The following DENND3 variants were observed in gnomAD, a reference collection of about 807,000 sequenced individuals.
DENND3 encodes DENN domain containing 3, also known as DENN domain-containing protein 3.
In DENND3, 88 loss-of-function variants were observed where a neutral mutation model predicts 135.1. The ratio of observed to expected loss-of-function variants is 0.65; its 90% CI spans 0.55 to 0.78. DENND3 has a LOEUF of 0.78. Ranked by LOEUF, DENND3 falls within the 30% of genes least tolerant of loss-of-function variation. The probability of loss-of-function intolerance (pLI) is 0.00; values close to 1 mark genes in which losing one functional copy is unlikely to be tolerated. For synonymous variants in DENND3, 693 were observed against 712.3 expected, an observed-to-expected ratio of 0.97 and a Z score of 0.43; for missense variants, 1,392 against 1,688.4, an observed-to-expected ratio of 0.82 and a Z score of 3.08.
chr8:141,182,332 C>T lies in DENND3; in HGVS notation c.2944+1478C>T. ...TCTCTTCATGGCAGGCCAAGAAACC[C>T]AGGAACGCGATAGACCCTGGCTGAG... On this transcript the variant is annotated intron_variant, in intron 17 of 22. Transcript: ENST00000519811. This position sits in a 1 kb window ranked among gnomAD's most constrained non-coding sequence, Gnocchi z 5.9. 1 of 985,398 alleles carries T rather than the reference C, an allele frequency of 1.0e-6. No homozygotes were observed. The highest frequency in any genetic ancestry group is 1.2e-6 in the Non-Finnish European group (1 of 829,934). 61.0% of individuals were successfully genotyped at this position (985,398 alleles called of 1,614,324 possible).
intron 16 of DENND3, among the ~76,000 whole-genome samples, chr8:141,179,507 C>T (rs1822820664): frequency 1.3e-5 from 2 of 152,226 alleles, no homozygotes; most frequent in African/African-American, 4.8e-5. Flanking sequence ...AATCCGGAAA[C>T]ATTTTCCCAT....
rs752137209 is a variant in DENND3, at chr8:141,163,556, G to T, written c.1449+127G>T. 52 of 569,228 alleles carry T rather than the reference G, an allele frequency of 9.1e-5. 1 individual carries two copies. The highest frequency in any genetic ancestry group is 1.4e-4 in the Non-Finnish European group (46 of 327,696). The allele number at this position is 569,228 out of a possible 1,614,324, so 35.3% of individuals were successfully genotyped here. ...TTTCCAAAAAGTTTGTTTTAGCATG[G>T]TTCCTTTTGACCATGTGGCTCTCCC... On this transcript the variant is annotated intron_variant, in intron 10 of 22. Transcript: ENST00000519811.
At chr8:141,155,814 T>C (rs1281652551) in intron 7 of DENND3, 35 bp from the exon 8 acceptor site, 1 of 1,547,572 alleles carries the variant, frequency 6.5e-7, no homozygotes, top group Non-Finnish European at 8.7e-7. Flanking sequence ...CGAAATTCTT[T>C]TATCAATCTT....
chr8:141,145,826 TATA>T (rs1817988981), intron 5 of DENND3, among the ~76,000 whole-genome samples: 1 of 60,186 alleles, frequency 1.7e-5, no homozygotes, highest in African/African-American at 6.7e-5. Context: ...TATATATATA[TATA>T]TATATATATA....
At position 141,166,228 on chromosome 8, in the gene DENND3, T is replaced by C; in HGVS notation, c.1592T>C (p.Val531Ala). The C allele has an allele frequency of 1.2e-6, 2 of 1,614,152 alleles. No individual in the cohort carries two copies. Among genetic ancestry groups the C allele is most frequent in the Non-Finnish European group, 1.7e-6 (2 of 1,180,034 alleles). Residue 531 changes from valine (V) to alanine (A), a missense_variant, in exon 12 of 23, where the codon GTT (valine) becomes GCT (alanine). Physicochemically the swap from Val to Ala is moderately conservative, Grantham distance 64. Transcript: ENST00000519811. The surrounding 1 kb of genome is among the most constrained non-coding windows in gnomAD (Gnocchi z 4.3). Reference sequence around the variant, plus strand: ...CTTCTAAGTCCAAGGAGACCGACCGTTGAGAAAAGAGCCTCCCGGAAGTCC... The same window carrying C: ...CTTCTAAGTCCAAGGAGACCGACCGCTGAGAAAAGAGCCTCCCGGAAGTCC... ...GMLLSPRRPT[V>A]EKRASRKSSH... is the part of the protein sequence containing the mutation.
Position 141,129,461 on chromosome 8 carries a change from A to G in DENND3, c.102+652A>G, listed in dbSNP as rs1314489235. 2.7e-5 allele frequency among the ~76,000 whole-genome samples: 4 copies of G among 150,510 alleles called. No individual in the cohort carries two copies. In the South Asian group the frequency reaches 6.3e-4, roughly 24 times the overall value. Reference sequence around the variant, plus strand: ...CCTCCATCTCTGCACCCTCGCAGCCAAAGTGACAACTTCATCTCCCTTCTG... The same window carrying G: ...CCTCCATCTCTGCACCCTCGCAGCCGAAGTGACAACTTCATCTCCCTTCTG... On this transcript the variant is annotated intron_variant, in intron 1 of 22. Transcript: ENST00000519811.
chr8:141,170,785 G>A (rs916879213), intron 13 of DENND3, among the ~76,000 whole-genome samples: 1 of 152,360 alleles, frequency 6.6e-6, no homozygotes. Flanking sequence ...TCCAGGGCAT[G>A]CATGGAGGCT....
intron 8 of DENND3, chr8:141,157,952 G>T: frequency 1.0e-6 from 1 of 978,354 alleles, no homozygotes; most frequent in Non-Finnish European, 1.3e-6. Context: ...TAGAGACAGG[G>T]TTTCACCATG....
chr8:141,145,818 TATATATATATATATATATATATA>T (rs1569555439), intron 5 of DENND3, among the ~76,000 whole-genome samples: 8 of 30,240 alleles, frequency 2.6e-4, no homozygotes, highest in African/African-American at 2.1e-3. Context: ...TATATATATA[TATATATATATATATATATATATA>T]TATATATATG....
At chr8:141,188,853 C>T (rs1238667847) in intron 18 of DENND3, 133 bp from the exon 19 acceptor site, 3 of 1,236,444 alleles carry the variant, frequency 2.4e-6, no homozygotes, top group Non-Finnish European at 2.2e-6. Context: ...GCTCCCAGGA[C>T]CCTGAGCCGG....
intron 10 of DENND3, among the ~76,000 whole-genome samples, chr8:141,164,362 T>C (rs1227510726): frequency 6.6e-6 from 1 of 152,266 alleles, no homozygotes; most frequent in Non-Finnish European, 1.5e-5. Flanking sequence ...TGGCAGGCGA[T>C]TGAAGCTGCC....
chr8:141,158,398 C>T, intron 8 of DENND3: 2 of 1,132,814 alleles, frequency 1.8e-6, no homozygotes, highest in Non-Finnish European at 2.2e-6. Context: ...AGGATTCTGC[C>T]TGCATCCTCA....
chr8:141,178,192 C>T lies in DENND3; in HGVS notation c.2832C>T (p.Asn944=), dbSNP rs760995084. Residue 944 remains asparagine (N), a synonymous_variant, in exon 16 of 23, where the codon AAC becomes AAT. Coordinates refer to ENST00000519811, the MANE Select transcript of DENND3 (RefSeq NM_001352890.3). ...TATCCTACTTTGATAAGATGAGTAA[C>T]GAAAGTAAGATAAGCCCGTTCTTAG... ...SKLSYFDKMS[N]EMPMTLPETT... The T allele has an allele frequency of 1.2e-5, 20 of 1,608,974 alleles. No individual in the cohort carries two copies. The highest frequency in any genetic ancestry group is 4.5e-5 in the East Asian group (2 of 44,714).
In DENND3 at chr8:141,168,567, A is replaced by C; in HGVS notation, c.2275+42A>C. Reference sequence around the variant, plus strand: ...CACCATCACAGATTTTATTATTTAGAGACAGGGTCTGGCTCTGTCGCCCAG... The same window carrying C: ...CACCATCACAGATTTTATTATTTAGCGACAGGGTCTGGCTCTGTCGCCCAG... On this transcript the variant is annotated intron_variant, in intron 13 of 22. Coordinates refer to ENST00000519811, the MANE Select transcript of DENND3 (RefSeq NM_001352890.3). This position sits in a 1 kb window ranked among gnomAD's most constrained non-coding sequence, Gnocchi z 6.2. 26 of 1,564,226 alleles carry C rather than the reference A, an allele frequency of 1.7e-5. No homozygotes were observed. Among genetic ancestry groups the C allele is most frequent in the Non-Finnish European group, 2.3e-5 (26 of 1,152,594 alleles).
At chr8:141,158,383 A>T in intron 8 of DENND3, 1 of 1,144,122 alleles carries the variant, frequency 8.7e-7, no homozygotes, top group South Asian at 1.7e-5. Flanking sequence ...CATTCCCAGG[A>T]AGGTAGGATT....
intron 7 of DENND3, among the ~76,000 whole-genome samples, chr8:141,153,720 C>T (rs964737048): frequency 6.6e-6 from 1 of 152,206 alleles, no homozygotes; most frequent in Non-Finnish European, 1.5e-5. Flanking sequence ...TCATCCATCC[C>T]GCCTCGCAGA....
In DENND3 at chr8:141,128,625, G is replaced by C. The variant is rs1417259929; in HGVS notation, c.-83G>C. 4.7e-6 allele frequency: 4 copies of C among 850,862 alleles called. No homozygotes were observed. Among genetic ancestry groups the C allele is most frequent in the East Asian group, 8.8e-5 (2 of 22,814 alleles). The allele number at this position is 850,862 out of a possible 1,614,324, so 52.7% of individuals were successfully genotyped here. A position where few individuals can be genotyped will look rare whatever the true frequency, so the allele number is the denominator to read the frequency against. On this transcript the variant is annotated 5_prime_UTR_variant, in exon 1 of 23. Coordinates refer to ENST00000519811, the MANE Select transcript of DENND3 (RefSeq NM_001352890.3). The surrounding 1 kb of genome is among the most constrained non-coding windows in gnomAD (Gnocchi z 4.5). ...TCGCAGCGCCCCCGGCCCCCAGGCGGCGCGGCTGGTCCCCAGGGGTCTGCG... is the reference window on the plus strand; with the variant it reads ...TCGCAGCGCCCCCGGCCCCCAGGCGCCGCGGCTGGTCCCCAGGGGTCTGCG...
At chr8:141,192,224 TCCC>T (rs546912377) in intron 20 of DENND3, 104 bp from the exon 21 acceptor site, 2 of 1,484,950 alleles carry the variant, frequency 1.3e-6, no homozygotes, top group East Asian at 4.6e-5. Context: ...CACGTGGTGA[TCCC>T]CCCCATCACC....
At position 141,185,122 on chromosome 8, in the gene DENND3, G is replaced by A. The variant is rs959611117; in HGVS notation, c.2945-17G>A. On this transcript the variant is annotated splice_polypyrimidine_tract_variant and intron_variant, in intron 17 of 22. Transcript: ENST00000519811. ...AAGTGTTTCCTCCTAACAGTTTTGT[G>A]CTGCTCTCCTCTTTAGGGCATCTTG... The A allele has an allele frequency of 1.2e-6, 2 of 1,607,584 alleles. No homozygotes were observed. The highest frequency in any genetic ancestry group is 1.3e-5 in the African/African-American group (1 of 74,810).
Sources: gnomAD v4.1 joint callset for allele counts (sites outside exome capture counted in the v4.1 genomes callset) on GRCh38, gnomAD v4.1.1 for gene constraint, Gnocchi (gnomAD v3.1) non-coding constraint, MANE v1.5 for transcripts, NCBI Gene and HGNC (gene_info 2026-07-23, HGNC 2026-07-21) for gene names.